Variants in ATXN10 observed in about 807,000 individuals in gnomAD.
ATXN10 encodes ataxin 10.
ATXN10 carries 28 observed loss-of-function variants against 52.9 expected under a neutral mutation model. That is an observed-to-expected ratio of 0.53 (90% CI 0.39 to 0.73). ATXN10 has a LOEUF of 0.73. Among genes scored for constraint, ATXN10 ranks in the 30% least tolerant of loss-of-function variants. The probability of loss-of-function intolerance (pLI) is 0.00; values close to 1 mark genes in which losing one functional copy is unlikely to be tolerated. For synonymous variants in ATXN10, 226 were observed against 221.5 expected, an observed-to-expected ratio of 1.02 and a Z score of -0.18; for missense variants, 565 against 577.0, an observed-to-expected ratio of 0.98 and a Z score of 0.21.
chr22:45,802,822 T>G (rs966778119), intron 9 of ATXN10, among the ~76,000 whole-genome samples: 1 of 152,268 alleles, frequency 6.6e-6, no homozygotes, highest in Non-Finnish European at 1.5e-5. Flanking sequence ...TTCTACTTTT[T>G]TTTTGTAGAA....
rs140766349 is a variant in ATXN10, at chr22:45,796,916, A to G, written c.1174-10043A>G. On this transcript the variant is annotated intron_variant, in intron 9 of 11. Coordinates refer to ENST00000252934, the MANE Select transcript of ATXN10 (RefSeq NM_013236.4). ...ATGATATACCATGTAAACACTTATA[A>G]GAAAGCTGGAGTGGCTATATTAATA... Among the ~76,000 whole-genome samples the G allele has an allele frequency of 5.1e-4, 78 of 152,360 alleles. No homozygotes were observed. The Middle Eastern group carries it at 0.01, about 20-fold the overall frequency.
At chr22:45,773,780 G>T (rs1343827435) in intron 9 of ATXN10, among the ~76,000 whole-genome samples, 1 of 151,998 alleles carries the variant, frequency 6.6e-6, no homozygotes, top group African/African-American at 2.4e-5. Flanking sequence ...TATTAAACCT[G>T]AAGAAACAGT....
chr22:45,811,746 C>T (rs975681162), intron 10 of ATXN10: 9 of 471,084 alleles, frequency 1.9e-5, no homozygotes, highest in Admixed American at 9.4e-5. Context: ...TGAACTTCGG[C>T]AGTGACTTCC....
rs1925184216 is a variant in ATXN10, at chr22:45,733,873, C to T, written c.894+4283C>T. On this transcript the variant is annotated intron_variant, in intron 7 of 11. Coordinates refer to ENST00000252934, the MANE Select transcript of ATXN10 (RefSeq NM_013236.4). This position sits in a 1 kb window ranked among gnomAD's most constrained non-coding sequence, Gnocchi z 4.4. ...TTTCAAAGGTCTTTTTTTGTATATA[C>T]ACACCTATATGTTTTTTGTTTTCAT... Among the ~76,000 whole-genome samples, 1 of 150,088 alleles carries T rather than the reference C, an allele frequency of 6.7e-6. No homozygotes were observed. Among genetic ancestry groups the T allele is most frequent in the African/African-American group, 2.5e-5 (1 of 40,804 alleles).
In ATXN10 at chr22:45,678,370, A is replaced by G. The variant is rs772003732; in HGVS notation, c.116+6191A>G. On this transcript the variant is annotated intron_variant, in intron 1 of 11. Transcript: ENST00000252934. This position sits in a 1 kb window ranked among gnomAD's most constrained non-coding sequence, Gnocchi z 4.1. ...ATAGTGCTGTTATAAACAAATCCAT[A>G]GTAAGGTGCCTCTGCATCCCTATTA... is the stretch of plus-strand genomic sequence containing the variant. The G allele has an allele frequency of 2.6e-4, 39 of 152,194 alleles. No individual in the cohort carries two copies. Among genetic ancestry groups the G allele is most frequent in the Non-Finnish European group, 5.0e-4 (34 of 68,034 alleles). 9.4% of individuals were successfully genotyped at this position (152,194 alleles called of 1,614,324 possible).
intron 9 of ATXN10, among the ~76,000 whole-genome samples, chr22:45,755,437 G>A (rs2146822631): frequency 6.6e-6 from 1 of 152,272 alleles, no homozygotes; most frequent in East Asian, 1.9e-4. Context: ...GGAGCAAGAA[G>A]AGGTGTGAAG....
At chr22:45,782,900 A>G (rs1056951842) in intron 9 of ATXN10, among the ~76,000 whole-genome samples, 1 of 152,214 alleles carries the variant, frequency 6.6e-6, no homozygotes, top group Non-Finnish European at 1.5e-5. Context: ...ACCTGTGATA[A>G]AGTTTAATTT....
chr22:45,807,431 A>G (rs1928138224), intron 10 of ATXN10, among the ~76,000 whole-genome samples: 3 of 152,202 alleles, frequency 2.0e-5, no homozygotes. Flanking sequence ...GTACTGTTTT[A>G]ACAAGGGTTT....
rs904456941 is a variant in ATXN10 at position 45,754,563 on chromosome 22, T to C, written c.1173+14025T>C. On this transcript the variant is annotated intron_variant, in intron 9 of 11. Coordinates refer to ENST00000252934, the MANE Select transcript of ATXN10 (RefSeq NM_013236.4). The surrounding 1 kb of genome is among the most constrained non-coding windows in gnomAD (Gnocchi z 5.4). ...AGGCTTCCTCAAAGCCACTCAGTGGTGGGAGTGCTGTCTCAGTAGTCCCGC... is the reference window on the plus strand; with the variant it reads ...AGGCTTCCTCAAAGCCACTCAGTGGCGGGAGTGCTGTCTCAGTAGTCCCGC... Among the ~76,000 whole-genome samples the C allele has an allele frequency of 2.0e-5, 3 of 151,992 alleles. No homozygotes were observed. Among genetic ancestry groups the C allele is most frequent in the African/African-American group, 7.2e-5 (3 of 41,384 alleles).
chr22:45,687,576 C>T (rs1923195045), intron 1 of ATXN10, among the ~76,000 whole-genome samples: 1 of 152,222 alleles, frequency 6.6e-6, no homozygotes, highest in African/African-American at 2.4e-5. Flanking sequence ...TTTTACTTGA[C>T]TATAGCATTA....
At position 45,728,439 on chromosome 22, in the gene ATXN10, T is replaced by C. The variant is rs1445307814; in HGVS notation, c.729-986T>C. Among the ~76,000 whole-genome samples the C allele has an allele frequency of 6.6e-6, 1 of 152,228 alleles. No homozygotes were observed. Among genetic ancestry groups the C allele is most frequent in the Non-Finnish European group, 1.5e-5 (1 of 68,028 alleles). ...TCTGTAGGTGATTTTTCCAGACTGA[T>C]GATATTTCCCATCATTTGGCCACAG... On this transcript the variant is annotated intron_variant, in intron 6 of 11. Coordinates refer to ENST00000252934, the MANE Select transcript of ATXN10 (RefSeq NM_013236.4). The surrounding 1 kb of genome is among the most constrained non-coding windows in gnomAD (Gnocchi z 4.3).
rs1928742120 is a variant in ATXN10 at position 45,824,108 on chromosome 22, C to T, written c.1237+17086C>T. Reference sequence around the variant, plus strand: ...GGACTTACCTTCCTACCTTCCTTTGCCTTCCCCACGCTCTTACCTGCTGAG... The same window carrying T: ...GGACTTACCTTCCTACCTTCCTTTGTCTTCCCCACGCTCTTACCTGCTGAG... On this transcript the variant is annotated intron_variant, in intron 10 of 11. Transcript: ENST00000252934. The surrounding 1 kb of genome is among the most constrained non-coding windows in gnomAD (Gnocchi z 5.2). Among the ~76,000 whole-genome samples, 3 of 152,152 alleles carry T rather than the reference C, an allele frequency of 2.0e-5. No homozygotes were observed. The highest frequency in any genetic ancestry group is 7.2e-5 in the African/African-American group (3 of 41,430).
At chr22:45,707,137 A>G (rs974740034) in intron 5 of ATXN10, among the ~76,000 whole-genome samples, 3 of 152,122 alleles carry the variant, frequency 2.0e-5, no homozygotes, top group African/African-American at 7.2e-5. Flanking sequence ...TGTTTTAACA[A>G]TATCCTGTTT....
rs998280611 is a variant in ATXN10 at position 45,677,837 on chromosome 22, A to G, written c.116+5658A>G. The G allele has an allele frequency of 6.6e-6, 1 of 152,334 alleles. No individual in the cohort carries two copies. The highest frequency in any genetic ancestry group is 2.1e-4 in the South Asian group (1 of 4,830). 9.4% of individuals were successfully genotyped at this position (152,334 alleles called of 1,614,324 possible). ...CAAGTATCGTTGAGGATGTGGGGAA[A>G]TGGGAACCCTTGTGTGTTGCTAGTG... On this transcript the variant is annotated intron_variant, in intron 1 of 11. Transcript: ENST00000252934. This position sits in a 1 kb window ranked among gnomAD's most constrained non-coding sequence, Gnocchi z 4.1.
chr22:45,752,622 G>A (rs964631999), intron 9 of ATXN10, among the ~76,000 whole-genome samples: 2 of 152,064 alleles, frequency 1.3e-5, no homozygotes, highest in Non-Finnish European at 2.9e-5. Context: ...CCCCTTGGCT[G>A]CACGATGGGC....
intron 5 of ATXN10, among the ~76,000 whole-genome samples, chr22:45,716,258 C>T (rs896308063): frequency 6.6e-6 from 1 of 151,814 alleles, no homozygotes; most frequent in African/African-American, 2.4e-5. Flanking sequence ...AGCGAGACCC[C>T]ATGTCTTAAA....
intron 3 of ATXN10, among the ~76,000 whole-genome samples, chr22:45,697,076 A>G (rs1409555472): frequency 6.6e-6 from 1 of 152,224 alleles, no homozygotes; most frequent in African/African-American, 2.4e-5. Flanking sequence ...AAAGTGAACA[A>G]TCGAGTGGCA....
Position 45,820,197 on chromosome 22 carries a change from C to T in ATXN10, c.1237+13175C>T, listed in dbSNP as rs1928601693. ...TGTGAAGGGTTCTTCGAAGGAAAAT[C>T]TCTAATGGGACTTATAAGCAGGCAC... On this transcript the variant is annotated intron_variant, in intron 10 of 11. Coordinates refer to ENST00000252934, the MANE Select transcript of ATXN10 (RefSeq NM_013236.4). The surrounding 1 kb of genome is among the most constrained non-coding windows in gnomAD (Gnocchi z 4.9). 2.6e-5 allele frequency among the ~76,000 whole-genome samples: 4 copies of T among 152,146 alleles called. No homozygotes were observed. Among genetic ancestry groups the T allele is most frequent in the Non-Finnish European group, 5.9e-5 (4 of 68,020 alleles).
Position 45,702,788 on chromosome 22 carries a change from C to T in ATXN10, c.588C>T (p.Asn196=), listed in dbSNP as rs1222905537. The change falls in exon 5 of 12, where the codon AAC becomes AAT. Residue 196 remains asparagine, a synonymous_variant. Coordinates refer to ENST00000252934, the MANE Select transcript of ATXN10 (RefSeq NM_013236.4). ...AAAGAATGAAAGAACTGGAGGAGAA[C>T]CTCAATATTGCAATTGATGTCATAG... is the stretch of plus-strand genomic sequence containing the variant. ...NHERMKELEE[N]LNIAIDVIDA... The T allele has an allele frequency of 2.5e-6, 4 of 1,614,008 alleles. No individual in the cohort carries two copies. The highest frequency in any genetic ancestry group is 3.4e-6 in the Non-Finnish European group (4 of 1,179,972).
Sources: allele counts gnomAD v4.1 joint callset (sites outside exome capture counted in the v4.1 genomes callset), GRCh38; gene constraint gnomAD v4.1.1; non-coding constraint Gnocchi (gnomAD v3.1); transcripts MANE v1.5; gene names NCBI Gene and HGNC (gene_info 2026-07-23, HGNC 2026-07-21).